Variants in C10orf143 observed in about 807,000 individuals in gnomAD.
C10orf143 encodes chromosome 10 open reading frame 143, also known as uncharacterized protein C10orf143.
chr10:130,106,996 T>C, intron 1 of C10orf143: 1 of 1,093,818 alleles, frequency 9.1e-7, no homozygotes, highest in Non-Finnish European at 1.4e-6. Context: ...TGATTCATGC[T>C]ACTAAGTTAA....
downstream of C10orf143, among the ~76,000 whole-genome samples, chr10:130,059,135 T>C (rs1211020377): frequency 6.6e-6 from 1 of 152,144 alleles, no homozygotes; most frequent in African/African-American, 2.4e-5. Flanking sequence ...AAGTTGTAGC[T>C]AGAGTAAAGT....
intron 1 of C10orf143, among the ~76,000 whole-genome samples, chr10:130,092,771 C>T (rs190556877): frequency 1.5e-4 from 23 of 152,134 alleles, no homozygotes; most frequent in Non-Finnish European, 2.6e-4. Flanking sequence ...CAATCCTAGT[C>T]TCTGATAAAA....
intron 1 of C10orf143, among the ~76,000 whole-genome samples, chr10:130,080,275 ACTTT>A (rs1417851618): frequency 6.6e-6 from 1 of 152,208 alleles, no homozygotes; most frequent in African/African-American, 2.4e-5. Flanking sequence ...CAAGTTACAT[ACTTT>A]CTTAATACAA....
At chr10:130,035,290 CTG>C (rs1223001579) in intron 4 of C10orf143, among the ~76,000 whole-genome samples, 3 of 152,312 alleles carry the variant, frequency 2.0e-5, no homozygotes, top group African/African-American at 7.2e-5. Context: ...TGTGTTTCGT[CTG>C]TGTCTTTGCC....
chr10:130,040,349 C>T (rs890288267), intron 3 of C10orf143, among the ~76,000 whole-genome samples: 1 of 152,158 alleles, frequency 6.6e-6, no homozygotes, highest in Non-Finnish European at 1.5e-5. Flanking sequence ...GCCGTGCAAG[C>T]GTGGTATGAG....
At chr10:130,067,627 A>C (rs1342037366) in intron 3 of C10orf143, 1 of 152,256 alleles carries the variant, frequency 6.6e-6, no homozygotes, top group East Asian at 1.9e-4. Context: ...TTACTACCAC[A>C]AAACACTGTC....
intron 3 of C10orf143, among the ~76,000 whole-genome samples, chr10:130,058,839 A>G (rs950263951): frequency 3.3e-5 from 5 of 152,142 alleles, no homozygotes; most frequent in African/African-American, 1.2e-4. Flanking sequence ...AGATTTGACA[A>G]AATGATCCTA....
At position 130,065,764 on chromosome 10, in the gene C10orf143, A is replaced by G. The variant is rs1441738452; in HGVS notation, c.298-1381T>C. 6.6e-6 allele frequency: 1 copy of G among 152,228 alleles called. No individual in the cohort carries two copies. The highest frequency in any genetic ancestry group is 2.4e-5 in the African/African-American group (1 of 41,442). The allele number at this position is 152,228 out of a possible 1,614,324, so 9.4% of individuals were successfully genotyped here. A position where few individuals can be genotyped will look rare whatever the true frequency, so the allele number is the denominator to read the frequency against. The stretch of plus-strand genomic sequence containing the variant: ...TAAAAGGCAGGGGAAAGTATGTAGC[A>G]TTTCCTGAACTTCTCTGGACAAGAA... On this transcript the variant is annotated intron_variant, in intron 3 of 3. Transcript: ENST00000637128. This position sits in a 1 kb window ranked among gnomAD's most constrained non-coding sequence, Gnocchi z 4.2.
At chr10:130,106,032 G>C (rs1255197633) in intron 1 of C10orf143, 1 of 511,464 alleles carries the variant, frequency 2.0e-6, no homozygotes, top group Non-Finnish European at 3.8e-6. Context: ...GACCGCCAGA[G>C]CAGCCTTGGC....
intron 1 of C10orf143, among the ~76,000 whole-genome samples, chr10:130,099,377 T>C (rs964126506): frequency 6.6e-6 from 1 of 152,182 alleles, no homozygotes; most frequent in Non-Finnish European, 1.5e-5. Context: ...TGAGGGCTTC[T>C]GTCAGGGGCT....
At chr10:130,099,039 G>GATC (rs1420448575) in intron 1 of C10orf143, among the ~76,000 whole-genome samples, 1 of 145,320 alleles carries the variant, frequency 6.9e-6, no homozygotes, top group Non-Finnish European at 1.5e-5. Flanking sequence ...AGTGAGCCAA[G>GATC]ATCATGCCAC....
In C10orf143 at chr10:130,064,233, G is replaced by T; in HGVS notation, c.*121C>A. On this transcript the variant is annotated 3_prime_UTR_variant, in exon 4 of 4. Transcript: ENST00000637128. The stretch of plus-strand genomic sequence containing the variant: ...GACAAACCTCCCCCCACCCACAGAG[G>T]ACACCGGGCTGCTATTTGAACAGGT... The T allele has an allele frequency of 2.5e-6, 1 of 395,166 alleles. No homozygotes were observed. The highest frequency in any genetic ancestry group is 4.5e-6 in the Non-Finnish European group (1 of 224,174). 24.5% of individuals were successfully genotyped at this position (395,166 alleles called of 1,614,324 possible). A position where few individuals can be genotyped will look rare whatever the true frequency, so the allele number is the denominator to read the frequency against.
intron 3 of C10orf143, among the ~76,000 whole-genome samples, chr10:130,043,017 C>T (rs1298015556): frequency 6.6e-6 from 1 of 152,188 alleles, no homozygotes; most frequent in Admixed American, 6.6e-5. Flanking sequence ...CGGAAGCAAG[C>T]CTGCAAAACG....
intron 3 of C10orf143, among the ~76,000 whole-genome samples, chr10:130,041,598 C>G (rs1219828403): frequency 1.3e-5 from 2 of 152,184 alleles, no homozygotes; most frequent in African/African-American, 4.8e-5. Flanking sequence ...AGTTTTAACA[C>G]TTTTGCTGTA....
intron 1 of C10orf143, among the ~76,000 whole-genome samples, chr10:130,084,797 G>C (rs994475459): frequency 2.0e-5 from 3 of 152,140 alleles, no homozygotes; most frequent in African/African-American, 7.2e-5. Context: ...TGGACTCCAT[G>C]GGAAGCAGCT....
At chr10:130,085,644 C>T (rs1353283081) in intron 1 of C10orf143, among the ~76,000 whole-genome samples, 6 of 152,156 alleles carry the variant, frequency 3.9e-5, no homozygotes, top group African/African-American at 1.4e-4. Flanking sequence ...AACAGTACTA[C>T]ACCAACATTA....
chr10:130,036,290 C>A (rs538739554), intron 3 of C10orf143, among the ~76,000 whole-genome samples: 1 of 152,194 alleles, frequency 6.6e-6, no homozygotes, highest in East Asian at 1.9e-4. Flanking sequence ...ACGAGGAGCC[C>A]ATCTGGGGTC....
chr10:130,094,231 T>A (rs563426990), intron 1 of C10orf143, among the ~76,000 whole-genome samples: 1 of 152,174 alleles, frequency 6.6e-6, no homozygotes, highest in East Asian at 1.9e-4. Flanking sequence ...AAGGCAGTAA[T>A]TAATAGCCTA....
intron 3 of C10orf143, among the ~76,000 whole-genome samples, 165 bp downstream of exon 3, chr10:130,079,401 C>A (rs915952992): frequency 4.6e-5 from 7 of 152,214 alleles, no homozygotes; most frequent in Non-Finnish European, 1.0e-4. Context: ...TTAGTTTGTA[C>A]ACCGATAGAA....
Sources: allele counts gnomAD v4.1 joint callset (sites outside exome capture counted in the v4.1 genomes callset), GRCh38; gene constraint gnomAD v4.1.1; non-coding constraint Gnocchi (gnomAD v3.1); transcripts MANE v1.5; gene names NCBI Gene and HGNC (gene_info 2026-07-23, HGNC 2026-07-21).